Variants in SPATA22 observed in about 807,000 individuals in gnomAD.
SPATA22 encodes spermatogenesis associated 22.
A neutral mutation model predicts 47.8 loss-of-function variants in SPATA22; 29 were observed. The observed-to-expected ratio is 0.61, with a 90% CI of 0.45 to 0.83. The LOEUF (loss-of-function observed/expected upper bound fraction) is 0.83, where lower values mean the gene tolerates loss of function less well. SPATA22 is among the 40% of genes least tolerant of loss of function. The probability of loss-of-function intolerance (pLI) is 0.00; values close to 1 mark genes in which losing one functional copy is unlikely to be tolerated. For synonymous variants in SPATA22, 133 were observed against 140.9 expected, an observed-to-expected ratio of 0.94 and a Z score of 0.40; for missense variants, 410 against 421.7, an observed-to-expected ratio of 0.97 and a Z score of 0.24.
chr17:3,455,076 C>T (rs369571485), intron 5 of SPATA22, among the ~76,000 whole-genome samples: 3 of 152,042 alleles, frequency 2.0e-5, no homozygotes, highest in South Asian at 2.1e-4. Flanking sequence ...TTTCATGTGT[C>T]TTTTGGCTGC....
chr17:3,464,499 G>C (rs2073225294), intron 3 of SPATA22, among the ~76,000 whole-genome samples: 1 of 129,652 alleles, frequency 7.7e-6, no homozygotes, highest in African/African-American at 2.7e-5. Context: ...AGTGAGGAGT[G>C]TCTCTGCCCG....
chr17:3,506,998 G>A (rs917249491), intron 1 of SPATA22, among the ~76,000 whole-genome samples: 18 of 150,492 alleles, frequency 1.2e-4, no homozygotes, highest in African/African-American at 4.4e-4. Context: ...AAGGAAGGGA[G>A]GGAGGAAGGG....
chr17:3,479,050 A>G (rs1245844715), intron 1 of SPATA22, among the ~76,000 whole-genome samples: 2 of 152,198 alleles, frequency 1.3e-5, no homozygotes, highest in African/African-American at 4.8e-5. Context: ...TCTATTTTCC[A>G]TCTGATACCT....
chr17:3,462,688 T>C lies in SPATA22; in HGVS notation c.233+19A>G. The C allele has an allele frequency of 6.2e-7, 1 of 1,606,476 alleles. No homozygotes were observed. The highest frequency in any genetic ancestry group is 8.5e-7 in the Non-Finnish European group (1 of 1,173,078). On this transcript the variant is annotated intron_variant, in intron 4 of 8. Coordinates refer to ENST00000572969, the MANE Select transcript of SPATA22 (RefSeq NM_001170698.2). The stretch of plus-strand genomic sequence containing the variant: ...TTAGTAACAGACACACATCCAATGG[T>C]TTATATTTCTCCACATACCCGGTGT...
At chr17:3,476,285 G>C, upstream of SPATA22, 1 of 1,614,210 alleles carries the variant, frequency 6.2e-7, no homozygotes, top group Non-Finnish European at 8.5e-7. Flanking sequence ...CTGAGATTCA[G>C]AGAACAGGGC....
At position 3,456,898 on chromosome 17, in the gene SPATA22, G is replaced by A. The variant is rs1265554725; in HGVS notation, c.329+5585C>T. 2.7e-4 allele frequency among the ~76,000 whole-genome samples: 41 copies of A among 150,040 alleles called. No homozygotes were observed. In the East Asian group the frequency reaches 6.3e-3, roughly 23 times the overall value. ...GGGATGCAAGGCTGGTTCAATATAC[G>A]CAAATCAATAAATGTAATCCAGCAT... On this transcript the variant is annotated intron_variant, in intron 5 of 8. Coordinates refer to ENST00000572969, the MANE Select transcript of SPATA22 (RefSeq NM_001170698.2).
intron 7 of SPATA22, among the ~76,000 whole-genome samples, chr17:3,445,505 C>A (rs912500797): frequency 2.0e-5 from 3 of 152,082 alleles, no homozygotes; most frequent in Admixed American, 2.0e-4. Context: ...CACTGTGATA[C>A]CCTGAGTATA....
intron 1 of SPATA22, among the ~76,000 whole-genome samples, chr17:3,491,715 T>G (rs576378134): frequency 6.0e-4 from 91 of 151,788 alleles, no homozygotes; most frequent in African/African-American, 2.1e-3. Flanking sequence ...GCCACTGCAC[T>G]CCAGCCTCGG....
chr17:3,508,668 C>T (rs2074065659), intron 1 of SPATA22, among the ~76,000 whole-genome samples: 1 of 139,588 alleles, frequency 7.2e-6, no homozygotes, highest in East Asian at 2.2e-4. Flanking sequence ...CCAAACACCG[C>T]ATGTTCTCAC....
chr17:3,464,655 G>C (rs377030330), intron 3 of SPATA22, among the ~76,000 whole-genome samples: 1 of 149,234 alleles, frequency 6.7e-6, no homozygotes, highest in South Asian at 2.1e-4. Flanking sequence ...TGTGAGGAGC[G>C]CCTCTGCCCG....
intron 5 of SPATA22, among the ~76,000 whole-genome samples, chr17:3,455,330 T>C (rs2072962044): frequency 6.6e-6 from 1 of 152,094 alleles, no homozygotes; most frequent in African/African-American, 2.4e-5. Flanking sequence ...TTGTCTTTTG[T>C]TGCCATTGCT....
At chr17:3,471,311 G>C in intron 1 of SPATA22, 1 of 532,958 alleles carries the variant, frequency 1.9e-6, no homozygotes, top group East Asian at 1.5e-4. Flanking sequence ...ATTTAGAGGG[G>C]CTTACGAGGG....
intron 2 of SPATA22, among the ~76,000 whole-genome samples, chr17:3,467,935 T>C (rs923989169): frequency 6.6e-6 from 1 of 152,152 alleles, no homozygotes; most frequent in Non-Finnish European, 1.5e-5. Context: ...AGAACCAAAC[T>C]CTGAACCATG....
At position 3,449,097 on chromosome 17, in the gene SPATA22, A is replaced by C. The variant is rs781444322; in HGVS notation, c.382T>G (p.Phe128Val). 6 of 1,611,176 alleles carry C rather than the reference A, an allele frequency of 3.7e-6. No homozygotes were observed. The East Asian group carries it at 1.3e-4, about 36-fold the overall frequency. The part of the protein sequence containing the change: ...TSLKTWNKND[F>V]KPQCKRTNLV... ...TTTGTTCGTTTACATTGAGGCTTAA[A>C]ATCATTTTTATTCCAAGTTTTCAAG... The change falls in exon 6 of 9, where the codon TTT (phenylalanine) becomes GTT (valine). Residue 128 changes from phenylalanine (F) to valine (V), a missense_variant. By Grantham distance (50) the Phe-to-Val change is conservative. Coordinates refer to ENST00000572969, the MANE Select transcript of SPATA22 (RefSeq NM_001170698.2).
intron 1 of SPATA22, among the ~76,000 whole-genome samples, chr17:3,469,851 A>C (rs80286101): frequency 0.044 from 6,657 of 152,264 alleles, 286 homozygotes; most frequent in East Asian, 0.11. Flanking sequence ...TGCCTGGATT[A>C]TATAATATCA....
chr17:3,455,776 C>T (rs1205587058), intron 5 of SPATA22, among the ~76,000 whole-genome samples: 7 of 148,718 alleles, frequency 4.7e-5, no homozygotes, highest in Admixed American at 2.7e-4. Context: ...CTTGGCGATG[C>T]GGGCTCTTTT....
At chr17:3,453,683 G>T (rs2072916626) in intron 5 of SPATA22, among the ~76,000 whole-genome samples, 1 of 152,048 alleles carries the variant, frequency 6.6e-6, no homozygotes, top group Non-Finnish European at 1.5e-5. Context: ...TCCAAAATTT[G>T]AAACTTTTTG....
At position 3,471,800 on chromosome 17, in the gene SPATA22, G is replaced by A. The variant is rs911559893; in HGVS notation, c.-192C>T. ...TCAGCAACCGCCGCCCTTCCCGCCC[G>A]CGAAGAAAGCGCGGGAATCAGGCTG... On this transcript the variant is annotated 5_prime_UTR_variant, in exon 1 of 9. Coordinates refer to ENST00000572969, the MANE Select transcript of SPATA22 (RefSeq NM_001170698.2). 2.0e-6 allele frequency: 2 copies of A among 985,482 alleles called. No homozygotes were observed. The highest frequency in any genetic ancestry group is 2.4e-6 in the Non-Finnish European group (2 of 829,952). 61.0% of individuals were successfully genotyped at this position (985,482 alleles called of 1,614,324 possible).
intron 2 of SPATA22, chr17:3,468,115 C>T (rs62071291): frequency 0.33 from 49,970 of 151,994 alleles, 10,524 homozygotes; most frequent in Non-Finnish European, 0.48. Context: ...ACAAGCACCT[C>T]GGGTATCTGT....
Sources: allele counts gnomAD v4.1 joint callset (sites outside exome capture counted in the v4.1 genomes callset), GRCh38; gene constraint gnomAD v4.1.1; transcripts MANE v1.5; gene names NCBI Gene and HGNC (gene_info 2026-07-23, HGNC 2026-07-21).